NPAS3: variants seen among roughly 807,000 people sequenced by gnomAD.
The protein encoded by NPAS3 is neuronal PAS domain protein 3.
NPAS3 carries 14 observed loss-of-function variants against 73.1 expected under a neutral mutation model. The ratio of observed to expected loss-of-function variants is 0.19; its 90% CI spans 0.13 to 0.30. The LOEUF is 0.30. NPAS3 is among the 10% of genes least tolerant of loss of function. NPAS3 has a pLI of 1.00. For missense variants in NPAS3, 1,096 were observed against 1,250.0 expected (o/e 0.88, Z 1.86); for synonymous variants, 620 against 541.5 (o/e 1.14, Z -2.01).
chr14:33,042,035 A>G (rs61695474), intron 1 of NPAS3, among the ~76,000 whole-genome samples: 15,198 of 152,158 alleles, frequency 0.1, 820 homozygotes, highest in Non-Finnish European at 0.11. Flanking sequence ...GTTAACTTCT[A>G]TGTTTATTAA....
chr14:33,321,145 C>T (rs1348574531), intron 3 of NPAS3, among the ~76,000 whole-genome samples: 1 of 151,566 alleles, frequency 6.6e-6, no homozygotes, highest in Non-Finnish European at 1.5e-5. Context: ...TCCTACCAGA[C>T]ATCAGTCTTC....
chr14:33,137,236 A>G (rs2043874338), intron 2 of NPAS3, among the ~76,000 whole-genome samples: 1 of 152,194 alleles, frequency 6.6e-6, no homozygotes, highest in African/African-American at 2.4e-5. Context: ...GAATGTTTTT[A>G]GTGACTAAGG....
At chr14:33,631,470 G>A (rs946408538) in intron 5 of NPAS3, among the ~76,000 whole-genome samples, 8 of 152,146 alleles carry the variant, frequency 5.3e-5, no homozygotes, top group East Asian at 3.9e-4. Context: ...GCCATTAGCC[G>A]TACCAGTTTA....
chr14:33,004,886 C>T (rs889800880), intron 1 of NPAS3, among the ~76,000 whole-genome samples: 5 of 125,372 alleles, frequency 4.0e-5, no homozygotes, highest in East Asian at 5.4e-4. Context: ...TTCACATTAA[C>T]GTAGGACTAT....
chr14:33,539,197 A>G (rs904643849), intron 4 of NPAS3, among the ~76,000 whole-genome samples: 2 of 152,080 alleles, frequency 1.3e-5, no homozygotes, highest in African/African-American at 2.4e-5. Flanking sequence ...AGAGATGCCA[A>G]CCTTGCTGCT....
chr14:33,497,612 T>A (rs2052271627), intron 4 of NPAS3, among the ~76,000 whole-genome samples: 1 of 152,178 alleles, frequency 6.6e-6, no homozygotes. Flanking sequence ...ATTACCTATA[T>A]AACAAATGGT....
chr14:33,777,158 G>A (rs1197948294), intron 8 of NPAS3, among the ~76,000 whole-genome samples: 2 of 152,208 alleles, frequency 1.3e-5, no homozygotes, highest in Non-Finnish European at 2.9e-5. Flanking sequence ...AGAAACACCA[G>A]TGAGGGAGGG....
chr14:33,344,283 T>C (rs2044627864), intron 3 of NPAS3, among the ~76,000 whole-genome samples: 2 of 152,232 alleles, frequency 1.3e-5, no homozygotes, highest in Non-Finnish European at 2.9e-5. Flanking sequence ...CAGTTTCATG[T>C]GTAAAGATTA....
intron 2 of NPAS3, among the ~76,000 whole-genome samples, chr14:33,072,234 G>A (rs574445760): frequency 6.6e-6 from 1 of 152,110 alleles, no homozygotes; most frequent in Non-Finnish European, 1.5e-5. Flanking sequence ...TTTAAATAAC[G>A]GTGGCAAATA....
intron 6 of NPAS3, among the ~76,000 whole-genome samples, chr14:33,685,261 A>G (rs2060058463): frequency 1.3e-5 from 2 of 152,206 alleles, no homozygotes; most frequent in Admixed American, 1.3e-4. Flanking sequence ...TATGGTGCGT[A>G]AGTAGGATAG....
intron 6 of NPAS3, among the ~76,000 whole-genome samples, chr14:33,689,562 CA>C (rs2060177703): frequency 6.6e-6 from 1 of 152,116 alleles, no homozygotes; most frequent in African/African-American, 2.4e-5. Flanking sequence ...AAATGCTACA[CA>C]AATCGTAGTA....
chr14:33,125,464 G>T (rs1452537403), intron 2 of NPAS3, among the ~76,000 whole-genome samples: 3 of 152,050 alleles, frequency 2.0e-5, no homozygotes, highest in African/African-American at 7.2e-5. Flanking sequence ...ATTCAGTTCA[G>T]GTGTTAAGGA....
chr14:33,620,765 A>G (rs1413474721), intron 5 of NPAS3, among the ~76,000 whole-genome samples: 1 of 152,170 alleles, frequency 6.6e-6, no homozygotes, highest in Non-Finnish European at 1.5e-5. Context: ...TTGGGCTACA[A>G]GTTGGCCTTA....
At chr14:33,275,077 T>G (rs2041266903) in intron 3 of NPAS3, among the ~76,000 whole-genome samples, 1 of 152,198 alleles carries the variant, frequency 6.6e-6, no homozygotes, top group South Asian at 2.1e-4. Flanking sequence ...CATGCTTCTC[T>G]TTAAAGATCC....
intron 1 of NPAS3, among the ~76,000 whole-genome samples, chr14:32,952,011 A>G (rs181362927): frequency 2.0e-5 from 3 of 152,152 alleles, no homozygotes; most frequent in African/African-American, 4.8e-5. Context: ...AAAATTCCCA[A>G]TTAATGATAC....
At chr14:32,971,516 C>A (rs907497731) in intron 1 of NPAS3, among the ~76,000 whole-genome samples, 2 of 152,154 alleles carry the variant, frequency 1.3e-5, no homozygotes, top group Admixed American at 1.3e-4. Flanking sequence ...ATAATGTTAT[C>A]TTCAATTCCC....
chr14:33,486,989 G>A (rs1222341469), intron 4 of NPAS3, among the ~76,000 whole-genome samples: 1 of 152,146 alleles, frequency 6.6e-6, no homozygotes, highest in African/African-American at 2.4e-5. Flanking sequence ...GTTTATTCCA[G>A]TGGTTAAATT....
chr14:33,127,097 A>G (rs1294637349), intron 2 of NPAS3, among the ~76,000 whole-genome samples: 1 of 151,682 alleles, frequency 6.6e-6, no homozygotes. Flanking sequence ...TTTTGAAAAA[A>G]AAAAACTCTA....
At chr14:32,962,880 CTT>C (rs74828243) in intron 1 of NPAS3, among the ~76,000 whole-genome samples, 32 of 137,348 alleles carry the variant, frequency 2.3e-4, no homozygotes, top group Non-Finnish European at 1.8e-4. Context: ...GTTTTTCTTT[CTT>C]TTTTTTTTTT....
Sources: allele counts gnomAD v4.1 joint callset (sites outside exome capture counted in the v4.1 genomes callset), GRCh38; gene constraint gnomAD v4.1.1; transcripts MANE v1.5; gene names NCBI Gene and HGNC (gene_info 2026-07-23, HGNC 2026-07-21).